Variants in ARHGAP20 observed in about 807,000 individuals in gnomAD.
The protein encoded by ARHGAP20 is rho GTPase-activating protein 20.
Under a neutral mutation model 73.7 loss-of-function variants are expected in ARHGAP20, and 34 were observed. That is an observed-to-expected ratio of 0.46 (90% CI 0.35 to 0.61). The LOEUF is 0.61. Among genes scored for constraint, ARHGAP20 ranks in the 20% least tolerant of loss-of-function variants. The pLI is 0.00. For synonymous variants in ARHGAP20, 523 were observed against 518.2 expected (o/e 1.01, Z -0.13); for missense variants, 1,314 against 1,420.9 (o/e 0.92, Z 1.21).
intron 11 of ARHGAP20, among the ~76,000 whole-genome samples, chr11:110,590,303 G>A (rs1042708621): frequency 3.3e-5 from 5 of 152,210 alleles, no homozygotes; most frequent in African/African-American, 9.6e-5. Context: ...TAGTAAGAGA[G>A]TGAGGAAATC....
intron 2 of ARHGAP20, among the ~76,000 whole-genome samples, chr11:110,661,299 T>C (rs959941443): frequency 6.6e-6 from 1 of 151,944 alleles, no homozygotes; most frequent in Admixed American, 6.6e-5. Flanking sequence ...ATCTGAAACA[T>C]AGAGGGGAAA....
At chr11:110,675,189 C>A (rs976547637) in intron 2 of ARHGAP20, among the ~76,000 whole-genome samples, 1 of 152,150 alleles carries the variant, frequency 6.6e-6, no homozygotes, top group Non-Finnish European at 1.5e-5. Context: ...TTTGATAGAG[C>A]CAGTTTTCAA....
chr11:110,651,451 A>G (rs1482525744), intron 2 of ARHGAP20, among the ~76,000 whole-genome samples: 1 of 152,018 alleles, frequency 6.6e-6, no homozygotes, highest in African/African-American at 2.4e-5. Flanking sequence ...TTTTTTTTAA[A>G]TTTAATGAAA....
chr11:110,686,806 T>A (rs1047093612), intron 2 of ARHGAP20, among the ~76,000 whole-genome samples: 3 of 151,910 alleles, frequency 2.0e-5, no homozygotes, highest in African/African-American at 7.3e-5. Context: ...TAGAAAGGCT[T>A]AGGAATCACT....
chr11:110,711,616 T>C, intron 1 of ARHGAP20: 1 of 1,486,052 alleles, frequency 6.7e-7, no homozygotes, highest in Non-Finnish European at 8.9e-7. Flanking sequence ...GGCGGGCAGG[T>C]GAGGGGGCCG....
rs1394486404 is a variant in ARHGAP20, at chr11:110,630,782, A to G, written c.199T>C (p.Ser67Pro). The G allele has an allele frequency of 6.2e-7, 1 of 1,613,844 alleles. No homozygotes were observed. The highest frequency in any genetic ancestry group is 8.5e-7 in the Non-Finnish European group (1 of 1,179,904). ...QKRPTTRDSPSASVDTCTFLS... is the reference protein window; with the variant it reads ...QKRPTTRDSPPASVDTCTFLS... Reference sequence around the variant, plus strand: ...AATGTGCATGTGTCAACACTAGCAGAAGGACTGTCCCTGTAACAGATCAAA... The same window carrying G: ...AATGTGCATGTGTCAACACTAGCAGGAGGACTGTCCCTGTAACAGATCAAA... The change falls in exon 3 of 15, where the codon TCT (serine) becomes CCT (proline). Residue 67 changes from serine to proline, a missense_variant. Physicochemically the swap from Ser to Pro is moderately conservative, Grantham distance 74. Around this residue, in one of 3 missense-constraint regions of ARHGAP20, gnomAD observed 443 missense variants for 466.4 expected, o/e 0.95. Transcript: ENST00000683387.
In ARHGAP20 at chr11:110,590,116, G is replaced by A. The variant is rs905937798; in HGVS notation, c.1305+532C>T. On this transcript the variant is annotated intron_variant, in intron 11 of 14. Coordinates refer to ENST00000683387, the MANE Select transcript of ARHGAP20 (RefSeq NM_001384657.1). ...AGCCTGGCCGACAGAGTGAGACCCCGCCTCAAAAAAAAAAAAAAAAAAGGG... is the reference window on the plus strand; with the variant it reads ...AGCCTGGCCGACAGAGTGAGACCCCACCTCAAAAAAAAAAAAAAAAAAGGG... Among the ~76,000 whole-genome samples the A allele has an allele frequency of 2.6e-4, 31 of 120,944 alleles. 1 individual carries two copies. The highest frequency in any genetic ancestry group is 1.3e-3 in the Admixed American group (14 of 10,864). The allele number at this position is 120,944 out of a possible 152,430, so 79.3% of individuals were successfully genotyped here.
At chr11:110,639,224 A>G (rs918679566) in intron 2 of ARHGAP20, among the ~76,000 whole-genome samples, 8 of 137,494 alleles carry the variant, frequency 5.8e-5, no homozygotes, top group African/African-American at 2.7e-4. Context: ...GCACACACTC[A>G]TATTTTATTC....
intron 2 of ARHGAP20, among the ~76,000 whole-genome samples, chr11:110,658,298 G>C (rs1044797867): frequency 1.3e-5 from 2 of 152,284 alleles, no homozygotes; most frequent in African/African-American, 4.8e-5. Flanking sequence ...AGTAGTAGTA[G>C]CACTACACAT....
intron 9 of ARHGAP20, among the ~76,000 whole-genome samples, chr11:110,597,333 G>A (rs1947994058): frequency 6.6e-6 from 1 of 150,660 alleles, no homozygotes; most frequent in Admixed American, 6.6e-5. Context: ...AACCTTTTCT[G>A]AAGTCCAGGA....
intron 2 of ARHGAP20, among the ~76,000 whole-genome samples, chr11:110,645,728 A>T (rs1367194882): frequency 6.6e-6 from 1 of 152,206 alleles, no homozygotes; most frequent in Non-Finnish European, 1.5e-5. Flanking sequence ...CCAGGTGCTC[A>T]TCAATGGTGG....
rs148720747 is a variant in ARHGAP20, at chr11:110,610,326, T to C, written c.708+983A>G. On this transcript the variant is annotated intron_variant, in intron 7 of 14. Transcript: ENST00000683387. ...ATCTAAACACAATAATACTATGGCA[T>C]GTCTTAAATATGTGTCATGAATTGC... 1.2e-3 allele frequency among the ~76,000 whole-genome samples: 176 copies of C among 152,202 alleles called. 3 individuals carry two copies. In the East Asian group the frequency reaches 0.025, roughly 22 times the overall value.
At chr11:110,597,836 G>A (rs1041908173) in intron 9 of ARHGAP20, among the ~76,000 whole-genome samples, 9 of 152,128 alleles carry the variant, frequency 5.9e-5, no homozygotes, top group Non-Finnish European at 1.2e-4. Flanking sequence ...CTCTGGGACT[G>A]AGATAAAAAA....
intron 2 of ARHGAP20, among the ~76,000 whole-genome samples, chr11:110,648,041 A>C (rs1207776678): frequency 1.3e-5 from 2 of 151,328 alleles, no homozygotes; most frequent in East Asian, 3.9e-4. Flanking sequence ...AAACTACCTT[A>C]TGTATTAAAG....
intron 11 of ARHGAP20, among the ~76,000 whole-genome samples, chr11:110,590,120 CAAAA>C (rs558720081): frequency 7.8e-5 from 5 of 63,978 alleles, no homozygotes; most frequent in Non-Finnish European, 9.6e-5. Flanking sequence ...GACCCCGCCT[CAAAA>C]AAAAAAAAAA....
At chr11:110,634,580 C>G (rs1436663289) in intron 2 of ARHGAP20, among the ~76,000 whole-genome samples, 2 of 152,134 alleles carry the variant, frequency 1.3e-5, no homozygotes, top group African/African-American at 4.8e-5. Flanking sequence ...GATTTAATGA[C>G]TTGGGTGGAG....
In ARHGAP20 at chr11:110,580,701, G is replaced by T; in HGVS notation, c.2245C>A (p.Leu749Ile). The T allele has an allele frequency of 1.9e-6, 3 of 1,613,966 alleles. No individual in the cohort carries two copies. The highest frequency in any genetic ancestry group is 2.5e-6 in the Non-Finnish European group (3 of 1,179,884). The stretch of plus-strand genomic sequence containing the variant: ...AAACATGTCTTTCCTTCCTCCTGGA[G>T]GGGTTGATTCTGCTTCAGATAGTCT... ...DEDYLKQNQP[L>I]QEEGKTCFKQ... The change falls in exon 15 of 15, where the codon CTC becomes ATC. Residue 749 changes from leucine to isoleucine, a missense_variant. Physicochemically the swap from Leu to Ile is conservative, Grantham distance 5. Coordinates refer to ENST00000683387, the MANE Select transcript of ARHGAP20 (RefSeq NM_001384657.1).
At chr11:110,697,458 T>C (rs1950358224) in intron 1 of ARHGAP20, among the ~76,000 whole-genome samples, 1 of 151,898 alleles carries the variant, frequency 6.6e-6, no homozygotes, top group Non-Finnish European at 1.5e-5. Flanking sequence ...TTCAGTTCCT[T>C]GTAAGTTCTG....
At chr11:110,683,711 A>T (rs1950079062) in intron 2 of ARHGAP20, among the ~76,000 whole-genome samples, 1 of 152,170 alleles carries the variant, frequency 6.6e-6, no homozygotes, top group Admixed American at 6.6e-5. Flanking sequence ...CAATTTTTTT[A>T]AAAAGGTACT....
Sources: allele counts gnomAD v4.1 joint callset (sites outside exome capture counted in the v4.1 genomes callset), GRCh38; gene constraint gnomAD v4.1.1; regional missense constraint gnomAD v4.1.1; transcripts MANE v1.5; gene names NCBI Gene and HGNC (gene_info 2026-07-23, HGNC 2026-07-21).